The following CAST variants were observed in gnomAD, a reference collection of about 807,000 sequenced individuals.
CAST encodes MIR583 host.
In CAST, 76 loss-of-function variants were observed where a neutral mutation model predicts 119.6. That is an observed-to-expected ratio of 0.64 (90% CI 0.53 to 0.77). CAST has a LOEUF of 0.77. Among genes scored for constraint, CAST ranks in the 30% least tolerant of loss-of-function variants. CAST has a pLI of 0.00. For synonymous variants in CAST, 319 were observed against 331.6 expected, an observed-to-expected ratio of 0.96 and a Z score of 0.41; for missense variants, 953 against 946.5, an observed-to-expected ratio of 1.01 and a Z score of -0.09.
intron 2 of CAST, among the ~76,000 whole-genome samples, chr5:96,683,500 A>G (rs935696298): frequency 5.3e-5 from 8 of 152,182 alleles, no homozygotes; most frequent in East Asian, 1.9e-4. Context: ...AACCTATGAA[A>G]TGGCTTTCCA....
the CAST span, among the ~76,000 whole-genome samples, chr5:96,367,103 G>T: frequency 1.3e-5 from 2 of 152,190 alleles, no homozygotes; most frequent in East Asian, 3.9e-4. Context: ...CTCCAGACCT[G>T]TTTGCCTGGG....
chr5:96,220,198 T>A, the CAST span, among the ~76,000 whole-genome samples: 1 of 152,216 alleles, frequency 6.6e-6, no homozygotes, highest in African/African-American at 2.4e-5. Flanking sequence ...TACAAAGATA[T>A]AAGAGGAGTC....
chr5:96,420,340 T>C, the CAST span, among the ~76,000 whole-genome samples: 2 of 152,186 alleles, frequency 1.3e-5, no homozygotes, highest in African/African-American at 4.8e-5. Flanking sequence ...TGGTCCTGCA[T>C]TATCCTGCTT....
the CAST span, among the ~76,000 whole-genome samples, chr5:96,487,000 C>G: frequency 6.6e-6 from 1 of 151,360 alleles, no homozygotes; most frequent in Non-Finnish European, 1.5e-5. Context: ...CAACTGAGGC[C>G]CACTTGTGGA....
At chr5:96,033,807 A>G in the CAST span, among the ~76,000 whole-genome samples, 1 of 152,206 alleles carries the variant, frequency 6.6e-6, no homozygotes, top group East Asian at 1.9e-4. Context: ...AAATGGGATT[A>G]CATGAAATTA....
chr5:96,231,195 T>C, the CAST span, among the ~76,000 whole-genome samples: 6 of 152,126 alleles, frequency 3.9e-5, no homozygotes, highest in African/African-American at 1.4e-4. Context: ...TTCATAGAAA[T>C]ATAATTCATG....
chr5:96,642,929 C>T (rs1747969753), intron 1 of CAST, among the ~76,000 whole-genome samples: 1 of 152,084 alleles, frequency 6.6e-6, no homozygotes, highest in Non-Finnish European at 1.5e-5. Flanking sequence ...CTTCTAACAC[C>T]CTTATGAGGT....
chr5:96,196,932 T>G, the CAST span, among the ~76,000 whole-genome samples: 1 of 152,206 alleles, frequency 6.6e-6, no homozygotes, highest in African/African-American at 2.4e-5. Context: ...GACTGCTTAT[T>G]AGAGTAATGC....
intron 1 of CAST, among the ~76,000 whole-genome samples, chr5:96,589,517 G>A (rs1746927450): frequency 6.6e-6 from 1 of 152,024 alleles, no homozygotes; most frequent in Admixed American, 6.6e-5. Context: ...TTATCTTAAA[G>A]TCATTTTTGC....
chr5:96,706,120 A>G (rs1581045369), intron 3 of CAST, among the ~76,000 whole-genome samples: 1 of 152,360 alleles, frequency 6.6e-6, no homozygotes, highest in East Asian at 1.9e-4. Context: ...TCGTAATATG[A>G]ATAGAGCCCT....
At chr5:96,488,555 G>A in the CAST span, among the ~76,000 whole-genome samples, 9 of 152,232 alleles carry the variant, frequency 5.9e-5, no homozygotes, top group African/African-American at 1.2e-4. Context: ...ACATATTGTC[G>A]TGTAGCTAGT....
chr5:96,586,912 G>A (rs1162870754), intron 1 of CAST, among the ~76,000 whole-genome samples: 10 of 152,222 alleles, frequency 6.6e-5, no homozygotes, highest in African/African-American at 9.6e-5. Context: ...TAAACCCCAT[G>A]GAGCATTTTT....
At chr5:96,706,391 T>C (rs11750510) in intron 3 of CAST, among the ~76,000 whole-genome samples, 16,757 of 152,140 alleles carry the variant, frequency 0.11, 1,075 homozygotes, top group Middle Eastern at 0.17. Context: ...ATAACAAATA[T>C]AAAGAGCAAT....
intron 1 of CAST, among the ~76,000 whole-genome samples, chr5:96,535,598 G>T (rs1396360910): frequency 7.4e-6 from 1 of 135,984 alleles, no homozygotes; most frequent in Non-Finnish European, 1.5e-5. Flanking sequence ...TTTTGAGACG[G>T]AGTCTCGCTC....
chr5:96,477,574 G>A, the CAST span, among the ~76,000 whole-genome samples: 4 of 152,124 alleles, frequency 2.6e-5, no homozygotes, highest in South Asian at 2.1e-4. Flanking sequence ...ATTCAATAAC[G>A]ATGTCCAGTA....
At chr5:96,378,888 TAC>T in the CAST span, among the ~76,000 whole-genome samples, 1 of 152,164 alleles carries the variant, frequency 6.6e-6, no homozygotes, top group Admixed American at 6.5e-5. Context: ...TAATGGAGAT[TAC>T]AGTGTATGTA....
the CAST span, among the ~76,000 whole-genome samples, chr5:96,225,081 A>T: frequency 1.3e-5 from 2 of 152,236 alleles, no homozygotes; most frequent in Admixed American, 1.3e-4. Context: ...CTTCGATCTT[A>T]CATCAGACTC....
chr5:96,524,086 G>A (rs1274560939), upstream of CAST, among the ~76,000 whole-genome samples: 1 of 152,170 alleles, frequency 6.6e-6, no homozygotes, highest in Non-Finnish European at 1.5e-5. Flanking sequence ...ACTAGTACAG[G>A]GAGCAGGGAT....
chr5:96,229,910 T>A, the CAST span, among the ~76,000 whole-genome samples: 1 of 152,206 alleles, frequency 6.6e-6, no homozygotes, highest in Non-Finnish European at 1.5e-5. Flanking sequence ...CCTTCTGTTA[T>A]AAAACAAGAG....
Sources: gnomAD v4.1 joint callset for allele counts (sites outside exome capture counted in the v4.1 genomes callset) on GRCh38, gnomAD v4.1.1 for gene constraint, MANE v1.5 for transcripts, NCBI Gene and HGNC (gene_info 2026-07-23, HGNC 2026-07-21) for gene names.